Variants in INSC observed in about 807,000 individuals in gnomAD.
INSC encodes the protein protein inscuteable homolog.
Under a neutral mutation model 58.6 loss-of-function variants are expected in INSC, and 67 were observed. The observed-to-expected ratio is 1.14, with a 90% CI of 0.94 to 1.40. INSC has a LOEUF of 1.40. Ranked by LOEUF, INSC falls within the 40% of genes most tolerant of loss-of-function variation. The probability of loss-of-function intolerance (pLI) is 0.00; values close to 1 mark genes in which losing one functional copy is unlikely to be tolerated. For synonymous variants in INSC, 262 were observed against 276.1 expected (o/e 0.95, Z 0.51); for missense variants, 714 against 692.0 (o/e 1.03, Z -0.36).
At chr11:15,265,733 TTCTC>T in the INSC span, among the ~76,000 whole-genome samples, 2 of 151,712 alleles carry the variant, frequency 1.3e-5, no homozygotes, top group African/African-American at 2.4e-5. Context: ...GTTTTGTACA[TTCTC>T]TCTATTATAT....
chr11:15,160,362 C>G (rs144662731), intron 2 of INSC, among the ~76,000 whole-genome samples: 13 of 152,222 alleles, frequency 8.5e-5, no homozygotes, highest in African/African-American at 3.1e-4. Flanking sequence ...ACTGAAATAA[C>G]TCAGGGCTGG....
intron 2 of INSC, among the ~76,000 whole-genome samples, chr11:15,172,092 G>A (rs997842339): frequency 1.3e-5 from 2 of 152,156 alleles, no homozygotes; most frequent in African/African-American, 2.4e-5. Context: ...TTGTCTTTAT[G>A]ATTGACAGAA....
chr11:15,119,590 GT>G, intron 1 of INSC, among the ~76,000 whole-genome samples: 1 of 152,306 alleles, frequency 6.6e-6, no homozygotes, highest in East Asian at 1.9e-4. Context: ...AGAAATGAAG[GT>G]TTTGTCTTAC....
At chr11:15,201,939 T>C (rs1315157017) in intron 7 of INSC, among the ~76,000 whole-genome samples, 1 of 152,182 alleles carries the variant, frequency 6.6e-6, no homozygotes, top group African/African-American at 2.4e-5. Context: ...TTCTTCACTT[T>C]GGTCTGGACT....
At chr11:15,256,491 A>AGTTTTTTT in the INSC span, among the ~76,000 whole-genome samples, 2 of 141,976 alleles carry the variant, frequency 1.4e-5, no homozygotes, top group African/African-American at 2.6e-5. Flanking sequence ...ATTTCATTTC[A>AGTTTTTTT]TTTTTTTTTT....
chr11:15,152,135 T>C (rs1210092053), intron 2 of INSC, among the ~76,000 whole-genome samples: 1 of 152,194 alleles, frequency 6.6e-6, no homozygotes, highest in Admixed American at 6.5e-5. Flanking sequence ...GGGAACAGCC[T>C]TTTAGGTGGG....
intron 4 of INSC, among the ~76,000 whole-genome samples, chr11:15,177,669 T>C (rs976210788): frequency 2.0e-5 from 3 of 152,232 alleles, no homozygotes; most frequent in African/African-American, 7.2e-5. Context: ...CTCAGATATG[T>C]ACACACACTC....
chr11:15,196,341 G>A (rs369981226), intron 6 of INSC, among the ~76,000 whole-genome samples: 2 of 152,184 alleles, frequency 1.3e-5, no homozygotes, highest in Non-Finnish European at 2.9e-5. Flanking sequence ...AGGTTAGAAC[G>A]CCAGGACTCA....
intron 1 of INSC, among the ~76,000 whole-genome samples, chr11:15,136,628 G>T (rs1349533280): frequency 6.6e-6 from 1 of 151,928 alleles, no homozygotes; most frequent in East Asian, 1.9e-4. Context: ...TTCTTTCTTT[G>T]CTCATCCATA....
intron 1 of INSC, among the ~76,000 whole-genome samples, chr11:15,143,519 C>T (rs1214298356): frequency 1.3e-5 from 2 of 152,124 alleles, no homozygotes; most frequent in East Asian, 1.9e-4. Flanking sequence ...GGGACAAGAT[C>T]CATGTGAGGC....
At chr11:15,125,124 G>A (rs1361487618) in intron 1 of INSC, among the ~76,000 whole-genome samples, 1 of 152,204 alleles carries the variant, frequency 6.6e-6, no homozygotes, top group Non-Finnish European at 1.5e-5. Flanking sequence ...TACAGGGTCA[G>A]GAGGTTTTCT....
In INSC at chr11:15,225,753, G is replaced by A; in HGVS notation, c.1095G>A (p.Gln365=). 6.2e-7 allele frequency: 1 copy of A among 1,614,120 alleles called. No individual in the cohort carries two copies. The highest frequency in any genetic ancestry group is 8.5e-7 in the Non-Finnish European group (1 of 1,180,006). The part of the protein sequence containing the change: ...FDTMACEMLL[Q]LNAIRVLLEA... ...CAATGGCCTGCGAGATGCTCCTGCA[G>A]TTGAATGCCATCCGTGTTCTCCTGG... is the stretch of plus-strand genomic sequence containing the variant. Residue 365 remains glutamine, a synonymous_variant, in exon 9 of 13, where the codon CAG becomes CAA. Transcript: ENST00000379556.
At chr11:15,206,601 G>A (rs1850809156) in intron 7 of INSC, among the ~76,000 whole-genome samples, 1 of 152,176 alleles carries the variant, frequency 6.6e-6, no homozygotes, top group Non-Finnish European at 1.5e-5. Flanking sequence ...AACCCAGCCT[G>A]GTCAGGGTGG....
At chr11:15,259,948 C>A in the INSC span, among the ~76,000 whole-genome samples, 1 of 152,116 alleles carries the variant, frequency 6.6e-6, no homozygotes. Flanking sequence ...AGACTTGAAC[C>A]ACCTCTCTGT....
At chr11:15,153,705 A>C (rs751360411) in intron 2 of INSC, among the ~76,000 whole-genome samples, 2 of 152,174 alleles carry the variant, frequency 1.3e-5, no homozygotes, top group Non-Finnish European at 2.9e-5. Flanking sequence ...GAGAGGCTGG[A>C]TTTATACTTT....
chr11:15,221,574 C>G lies in INSC; in HGVS notation c.917C>G (p.Ser306Cys). 1 of 1,614,018 alleles carries G rather than the reference C, an allele frequency of 6.2e-7. No individual in the cohort carries two copies. The highest frequency in any genetic ancestry group is 8.5e-7 in the Non-Finnish European group (1 of 1,179,980). ...EAAAVVAQVT[S>C]PHLPVTQHLS... ...GCGGCTGTGGTGGCCCAGGTCACCT[C>G]CCCACACCTGCCCGTCACCCAGCAC... Residue 306 changes from serine (S) to cysteine (C), a missense_variant, in exon 8 of 13, where the codon TCC becomes TGC. By Grantham distance (112) the Ser-to-Cys change is moderately radical. Coordinates refer to ENST00000379556, the MANE Select transcript of INSC (RefSeq NM_001042536.3).
chr11:15,250,687 A>G (rs1320091218), downstream of INSC, among the ~76,000 whole-genome samples: 1 of 152,232 alleles, frequency 6.6e-6, no homozygotes, highest in Non-Finnish European at 1.5e-5. Flanking sequence ...GTTCAACAAA[A>G]GAAATTACTC....
downstream of INSC, among the ~76,000 whole-genome samples, chr11:15,249,067 G>T (rs1477758257): frequency 6.6e-6 from 1 of 152,144 alleles, no homozygotes; most frequent in East Asian, 1.9e-4. Context: ...TGGGCAGGGA[G>T]GAAGGACAGA....
chr11:15,225,873 A>G lies in INSC; in HGVS notation c.1170+45A>G, dbSNP rs1308144939. The stretch of plus-strand genomic sequence containing the variant: ...CTGAGCACAGGGCCCATAGCCATGG[A>G]GACAGAAGTTAGGAGGCCAGCACGT... On this transcript the variant is annotated intron_variant, in intron 9 of 12. Coordinates refer to ENST00000379556, the MANE Select transcript of INSC (RefSeq NM_001042536.3). 8 of 1,574,618 alleles carry G rather than the reference A, an allele frequency of 5.1e-6. No homozygotes were observed. The Admixed American group carries it at 1.5e-4, about 29-fold the overall frequency.
Sources: allele counts gnomAD v4.1 joint callset (sites outside exome capture counted in the v4.1 genomes callset), GRCh38; gene constraint gnomAD v4.1.1; transcripts MANE v1.5; gene names NCBI Gene and HGNC (gene_info 2026-07-23, HGNC 2026-07-21).